SFSWAP: variants seen among roughly 807,000 people sequenced by gnomAD.
SFSWAP encodes splicing factor SWAP, also known as splicing factor, suppressor of white-apricot homolog.
In SFSWAP, 17 loss-of-function variants were observed where a neutral mutation model predicts 100.7. The ratio of observed to expected loss-of-function variants is 0.17; its 90% confidence interval spans 0.12 to 0.25. The LOEUF (loss-of-function observed/expected upper bound fraction) is 0.25, where lower values mean the gene tolerates loss of function less well. Ranked by LOEUF, SFSWAP falls within the 10% of genes least tolerant of loss-of-function variation. The probability of loss-of-function intolerance (pLI) is 1.00; values close to 1 mark genes in which losing one functional copy is unlikely to be tolerated. For synonymous variants in SFSWAP, 504 were observed against 510.1 expected (o/e 0.99, Z 0.16); for missense variants, 1,005 against 1,262.6 (o/e 0.80, Z 3.09).
chr12:131,746,886 TGAGGTCAG>T (rs1566023484), intron 7 of SFSWAP, among the ~76,000 whole-genome samples: 1 of 152,036 alleles, frequency 6.6e-6, no homozygotes, highest in Admixed American at 6.6e-5. Flanking sequence ...GGGCAGATCA[TGAGGTCAG>T]GAGATCGAGA....
intron 13 of SFSWAP, among the ~76,000 whole-genome samples, chr12:131,777,025 CCTT>C (rs1471388780): frequency 6.6e-6 from 1 of 152,314 alleles, no homozygotes; most frequent in Admixed American, 6.5e-5. Flanking sequence ...GGAGCCTAGA[CCTT>C]CTTTAAAAAT....
intron 13 of SFSWAP, among the ~76,000 whole-genome samples, chr12:131,777,594 C>T (rs1884130629): frequency 6.6e-6 from 1 of 152,176 alleles, no homozygotes; most frequent in African/African-American, 2.4e-5. Flanking sequence ...AAGAGTGCCA[C>T]AATAAACATA....
chr12:131,799,103 C>T lies in SFSWAP; in HGVS notation c.2784C>T (p.Ile928=). The T allele has an allele frequency of 6.2e-7, 1 of 1,613,690 alleles. No individual in the cohort carries two copies. Among genetic ancestry groups the T allele is most frequent in the Non-Finnish European group, 8.5e-7 (1 of 1,179,570 alleles). ...TCGTTTCTTCCGTGCAGAGCAAAAT[C>T]ACTCAGGTCAGTGGGCACGCCCCCC... ...SAIVSSVQSK[I]TQDLMAKVRA... Residue 928 remains isoleucine, a synonymous_variant, in exon 17 of 18, where the codon ATC becomes ATT. Coordinates refer to ENST00000261674, the MANE Select transcript of SFSWAP (RefSeq NM_004592.4).
intron 14 of SFSWAP, among the ~76,000 whole-genome samples, chr12:131,782,376 C>G (rs1394649977): frequency 6.6e-6 from 1 of 152,088 alleles, no homozygotes; most frequent in Non-Finnish European, 1.5e-5. Flanking sequence ...GTGATCTCCT[C>G]AGTAATATGA....
At chr12:131,779,074 G>A (rs12581022) in intron 14 of SFSWAP, among the ~76,000 whole-genome samples, 19,834 of 149,064 alleles carry the variant, frequency 0.13, 1,886 homozygotes, top group East Asian at 0.51. Flanking sequence ...CTCTGCACAC[G>A]CACTCACCGG....
At chr12:131,740,238 C>G (rs983867236) in intron 7 of SFSWAP, among the ~76,000 whole-genome samples, 2 of 152,116 alleles carry the variant, frequency 1.3e-5, no homozygotes, top group Non-Finnish European at 2.9e-5. Flanking sequence ...GCTTGAAAAT[C>G]TTTCTCAGCT....
At chr12:131,740,966 C>CTTTTTTTTTTTTTT (rs60047663) in intron 7 of SFSWAP, among the ~76,000 whole-genome samples, 10 of 70,148 alleles carry the variant, frequency 1.4e-4, no homozygotes, top group Admixed American at 2.3e-4. Flanking sequence ...TCTTTTTTTT[C>CTTTTTTTTTTTTTT]TTTTTTTTTT....
chr12:131,760,890 G>A (rs1315760872), intron 11 of SFSWAP, among the ~76,000 whole-genome samples: 1 of 152,146 alleles, frequency 6.6e-6, no homozygotes, highest in Admixed American at 6.5e-5. Context: ...TGGTCAACAT[G>A]GTGAAACCCT....
chr12:131,787,312 A>G lies in SFSWAP; in HGVS notation c.2534+724A>G, dbSNP rs569450728. Among the ~76,000 whole-genome samples, 18 of 152,300 alleles carry G rather than the reference A, an allele frequency of 1.2e-4. No homozygotes were observed. In the East Asian group the frequency reaches 3.1e-3, roughly 26 times the overall value. On this transcript the variant is annotated intron_variant, in intron 15 of 17. Coordinates refer to ENST00000261674, the MANE Select transcript of SFSWAP (RefSeq NM_004592.4). The stretch of plus-strand genomic sequence containing the variant: ...CATCTGTCCGCTCACCCCGGCTTCC[A>G]GTAGCTGTGGACGGCCACCTCCATT...
chr12:131,747,061 A>G (rs376698125), intron 7 of SFSWAP, among the ~76,000 whole-genome samples: 14 of 142,280 alleles, frequency 9.8e-5, no homozygotes, highest in South Asian at 4.5e-4. Flanking sequence ...CCGAGATCGC[A>G]CCACTGCACT....
Position 131,786,487 on chromosome 12 carries a change from G to A in SFSWAP, c.2433G>A (p.Arg811=), listed in dbSNP as rs1183586496. 1.3e-6 allele frequency: 2 copies of A among 1,586,936 alleles called. No individual in the cohort carries two copies. Among genetic ancestry groups the A allele is most frequent in the African/African-American group, 2.7e-5 (2 of 74,506 alleles). ...RSRSRSRSPR[R]RAHSPERRRE... Reference sequence around the variant, plus strand: ...GGTCCCGCTCCCGGTCCCCTCGGAGGAGAGCCCACTCCCCTGAGAGACGGA... The same window carrying A: ...GGTCCCGCTCCCGGTCCCCTCGGAGAAGAGCCCACTCCCCTGAGAGACGGA... Residue 811 remains arginine, a synonymous_variant, in exon 15 of 18, where the codon AGG becomes AGA. Transcript: ENST00000261674.
intron 4 of SFSWAP, among the ~76,000 whole-genome samples, chr12:131,720,274 A>G (rs1878344891): frequency 6.6e-6 from 1 of 152,212 alleles, no homozygotes; most frequent in African/African-American, 2.4e-5. Context: ...TAACAACCCT[A>G]TAAGCGAACT....
chr12:131,717,574 A>G (rs1773156347), intron 3 of SFSWAP, among the ~76,000 whole-genome samples: 2 of 152,188 alleles, frequency 1.3e-5, no homozygotes, highest in Admixed American at 1.3e-4. Flanking sequence ...GAATAGACCA[A>G]ATCTGTTTAA....
intron 13 of SFSWAP, among the ~76,000 whole-genome samples, chr12:131,769,810 G>C (rs1034176732): frequency 1.3e-5 from 2 of 152,132 alleles, no homozygotes; most frequent in Non-Finnish European, 2.9e-5. Context: ...TGTATTTTTA[G>C]TAGAGACGGG....
chr12:131,778,829 T>C lies in SFSWAP; in HGVS notation c.2408+499T>C, dbSNP rs1303592102. On this transcript the variant is annotated intron_variant, in intron 14 of 17. Coordinates refer to ENST00000261674, the MANE Select transcript of SFSWAP (RefSeq NM_004592.4). The surrounding 1 kb of genome is among the most constrained non-coding windows in gnomAD (Gnocchi z 4.2). ...CACCGCGCAGGCCTATACTTAACTT[T>C]TCAAAGTTCATAAACTACTGCCAGG... Among the ~76,000 whole-genome samples, 1 of 152,044 alleles carries C rather than the reference T, an allele frequency of 6.6e-6. No homozygotes were observed. Among genetic ancestry groups the C allele is most frequent in the African/African-American group, 2.4e-5 (1 of 41,418 alleles).
intron 11 of SFSWAP, among the ~76,000 whole-genome samples, chr12:131,759,912 A>G (rs1215911838): frequency 6.6e-6 from 1 of 152,238 alleles, no homozygotes; most frequent in Non-Finnish European, 1.5e-5. Context: ...TAGTTTACAT[A>G]TTAACAGATG....
At chr12:131,742,206 G>A (rs1242948623) in intron 7 of SFSWAP, among the ~76,000 whole-genome samples, 1 of 152,118 alleles carries the variant, frequency 6.6e-6, no homozygotes, top group Non-Finnish European at 1.5e-5. Flanking sequence ...TCACTGTCAG[G>A]ATCCCCACGG....
chr12:131,754,635 T>G (rs1015212846), intron 9 of SFSWAP, 136 bp downstream of exon 9: 1 of 486,974 alleles, frequency 2.1e-6, no homozygotes, highest in Non-Finnish European at 3.1e-6. Flanking sequence ...GTCTTTTTTT[T>G]TTTTTTTTTT....
intron 7 of SFSWAP, among the ~76,000 whole-genome samples, chr12:131,748,470 C>T (rs950339792): frequency 2.6e-5 from 4 of 152,126 alleles, no homozygotes; most frequent in Non-Finnish European, 4.4e-5. Flanking sequence ...TATTTTCATT[C>T]TTAATATACA....
Sources: gnomAD v4.1 joint callset for allele counts (sites outside exome capture counted in the v4.1 genomes callset) on GRCh38, gnomAD v4.1.1 for gene constraint, Gnocchi (gnomAD v3.1) non-coding constraint, MANE v1.5 for transcripts, NCBI Gene and HGNC (gene_info 2026-07-23, HGNC 2026-07-21) for gene names.